PTPRD: variants seen among roughly 807,000 people sequenced by gnomAD.
PTPRD encodes receptor-type tyrosine-protein phosphatase delta.
PTPRD carries 34 observed loss-of-function variants against 214.5 expected under a neutral mutation model. That is an observed-to-expected ratio of 0.16 (90% confidence interval 0.12 to 0.21). The LOEUF is 0.21. Among genes scored for constraint, PTPRD ranks in the 10% least tolerant of loss-of-function variants. The probability of loss-of-function intolerance (pLI) is 1.00; values close to 1 mark genes in which losing one functional copy is unlikely to be tolerated. For synonymous variants in PTPRD, 1,128 were observed against 845.7 expected (o/e 1.33, Z -5.79); for missense variants, 2,545 against 2,398.7 (o/e 1.06, Z -1.27).
intron 11 of PTPRD, among the ~76,000 whole-genome samples, chr9:8,891,247 C>T (rs1298941811): frequency 2.0e-5 from 3 of 150,482 alleles, no homozygotes; most frequent in Non-Finnish European, 2.9e-5. Context: ...CATCCTCCTG[C>T]CTCAGCCTCC....
At chr9:9,291,702 T>G (rs1951195436) in intron 9 of PTPRD, among the ~76,000 whole-genome samples, 1 of 151,326 alleles carries the variant, frequency 6.6e-6, no homozygotes, top group East Asian at 2.0e-4. Flanking sequence ...GAATAAAAAT[T>G]TATTTACTAT....
chr9:9,833,213 A>G lies in PTPRD; in HGVS notation c.-367-66362T>C, dbSNP rs1302551663. 3.3e-5 allele frequency among the ~76,000 whole-genome samples: 5 copies of G among 152,152 alleles called. No homozygotes were observed. The East Asian group carries it at 7.7e-4, about 24-fold the overall frequency. Reference sequence around the variant, plus strand: ...TAATCACATAGGTTTTCTATTTTCCAAAGCGTCGACTGGCTTGAGAAATAA... The same window carrying G: ...TAATCACATAGGTTTTCTATTTTCCGAAGCGTCGACTGGCTTGAGAAATAA... On this transcript the variant is annotated intron_variant, in intron 5 of 45. Coordinates refer to ENST00000381196, the MANE Select transcript of PTPRD (RefSeq NM_002839.4).
Position 8,665,679 on chromosome 9 carries a change from T to C in PTPRD, c.65-28835A>G, listed in dbSNP as rs563472435. Among the ~76,000 whole-genome samples, 44 of 152,354 alleles carry C rather than the reference T, an allele frequency of 2.9e-4. 1 individual carries two copies. Among genetic ancestry groups the C allele is most frequent in the South Asian group, 1.5e-3 (7 of 4,824 alleles). ...GCTTTTCCTATTGTCTTTTTCTCTA[T>C]TATTTCCCTTCACCCCACTTTTATT... On this transcript the variant is annotated intron_variant, in intron 12 of 45. Transcript: ENST00000381196.
chr9:8,798,561 G>A (rs993065676), intron 11 of PTPRD, among the ~76,000 whole-genome samples: 1 of 152,174 alleles, frequency 6.6e-6, no homozygotes, highest in African/African-American at 2.4e-5. Context: ...ATAGCTTCCT[G>A]TTGCATTCAA....
intron 35 of PTPRD, among the ~76,000 whole-genome samples, chr9:8,417,556 A>G (rs1439855246): frequency 6.6e-6 from 1 of 152,196 alleles, no homozygotes; most frequent in Non-Finnish European, 1.5e-5. Context: ...AAAGCTTCTG[A>G]AAGCTTGTCT....
At chr9:9,885,483 G>A (rs1228584359) in intron 5 of PTPRD, among the ~76,000 whole-genome samples, 2 of 152,030 alleles carry the variant, frequency 1.3e-5, no homozygotes, top group Non-Finnish European at 2.9e-5. Flanking sequence ...CAGCTTCACA[G>A]GGGTCCTACA....
At chr9:9,239,128 G>A (rs1187020066) in intron 9 of PTPRD, among the ~76,000 whole-genome samples, 1 of 151,274 alleles carries the variant, frequency 6.6e-6, no homozygotes. Context: ...CTAGAACTAT[G>A]CTTATCTTTT....
chr9:9,930,139 C>T (rs1241440303), intron 5 of PTPRD, among the ~76,000 whole-genome samples: 8 of 152,144 alleles, frequency 5.3e-5, no homozygotes, highest in South Asian at 2.1e-4. Context: ...AGAAGTTACA[C>T]AAATGAGCGC....
intron 11 of PTPRD, among the ~76,000 whole-genome samples, chr9:8,754,668 T>C (rs2093826180): frequency 6.6e-6 from 1 of 152,242 alleles, no homozygotes; most frequent in African/African-American, 2.4e-5. Context: ...AGAATATCTT[T>C]GTAGCCTTTC....
chr9:9,580,250 G>T, intron 7 of PTPRD, among the ~76,000 whole-genome samples: 1 of 151,920 alleles, frequency 6.6e-6, no homozygotes. Flanking sequence ...TGGATCAAAG[G>T]GTGGTTCTAT....
chr9:10,077,658 T>C (rs2098155620), intron 3 of PTPRD, among the ~76,000 whole-genome samples: 1 of 152,102 alleles, frequency 6.6e-6, no homozygotes, highest in Non-Finnish European at 1.5e-5. Flanking sequence ...TCCTCCTCTC[T>C]CAAGTAGGCA....
chr9:10,094,046 T>A (rs537581115), intron 3 of PTPRD, among the ~76,000 whole-genome samples: 2 of 151,448 alleles, frequency 1.3e-5, no homozygotes, highest in East Asian at 3.9e-4. Context: ...TCATGCAATA[T>A]ATCCACATAA....
In PTPRD at chr9:8,474,559, C is replaced by A. The variant is rs536875855; in HGVS notation, c.3414-3474G>T. ...AATAATGCCATAAATTCATAATCAG[C>A]AACCCCAGTTAGGCCTTCAACACGG... On this transcript the variant is annotated intron_variant, in intron 30 of 45. Coordinates refer to ENST00000381196, the MANE Select transcript of PTPRD (RefSeq NM_002839.4). Among the ~76,000 whole-genome samples the A allele has an allele frequency of 8.5e-5, 13 of 152,294 alleles. No homozygotes were observed. The South Asian group carries it at 2.7e-3, about 32-fold the overall frequency.
At chr9:8,815,677 T>C (rs2096905833) in intron 11 of PTPRD, among the ~76,000 whole-genome samples, 1 of 152,166 alleles carries the variant, frequency 6.6e-6, no homozygotes, top group South Asian at 2.1e-4. Context: ...CCTCATCTCC[T>C]GCATAAAATT....
intron 6 of PTPRD, among the ~76,000 whole-genome samples, chr9:9,755,204 G>A (rs571862858): frequency 3.9e-5 from 6 of 152,108 alleles, no homozygotes; most frequent in African/African-American, 1.4e-4. Flanking sequence ...AGTACAGACT[G>A]CAGAAGATCA....
At position 8,339,054 on chromosome 9, in the gene PTPRD, GGA is replaced by G. The variant is rs1849725048; in HGVS notation, c.5254-9_5254-8del. The G allele has an allele frequency of 1.2e-6, 2 of 1,609,238 alleles. No individual in the cohort carries two copies. Among genetic ancestry groups the G allele is most frequent in the Non-Finnish European group, 1.7e-6 (2 of 1,176,930 alleles). On this transcript the variant is annotated splice_polypyrimidine_tract_variant and splice_region_variant and intron_variant, in intron 42 of 45. Coordinates refer to ENST00000381196, the MANE Select transcript of PTPRD (RefSeq NM_002839.4). The stretch of plus-strand genomic sequence containing the variant: ...AGTATTGGTGACATTTCTCCTAAAA[GGA>G]GAGAAGATTAATGTTAAACTATGCA...
intron 33 of PTPRD, among the ~76,000 whole-genome samples, chr9:8,456,838 C>T (rs911060182): frequency 1.3e-5 from 2 of 151,864 alleles, no homozygotes; most frequent in Non-Finnish European, 2.9e-5. Flanking sequence ...ACTTCTAGGA[C>T]CACCTGATCT....
At chr9:10,056,249 A>T (rs1477240417) in intron 3 of PTPRD, among the ~76,000 whole-genome samples, 2 of 151,576 alleles carry the variant, frequency 1.3e-5, no homozygotes, top group Non-Finnish European at 1.5e-5. Context: ...TAAACCTGGG[A>T]GGCGGAGATT....
rs577641439 is a variant in PTPRD at position 8,356,790 on chromosome 9, A to C, written c.4662-14812T>G. Among the ~76,000 whole-genome samples, 4 of 152,294 alleles carry C rather than the reference A, an allele frequency of 2.6e-5. No individual in the cohort carries two copies. In the East Asian group the frequency reaches 7.7e-4, roughly 29 times the overall value. ...TACATATAAACACAGGCAGGAAAAA[A>C]ATAACCAATTAACTAAATACGTGTG... is the stretch of plus-strand genomic sequence containing the variant. On this transcript the variant is annotated intron_variant, in intron 39 of 45. Coordinates refer to ENST00000381196, the MANE Select transcript of PTPRD (RefSeq NM_002839.4).
Sources: gnomAD v4.1 joint callset for allele counts (sites outside exome capture counted in the v4.1 genomes callset) on GRCh38, gnomAD v4.1.1 for gene constraint, MANE v1.5 for transcripts, NCBI Gene and HGNC (gene_info 2026-07-23, HGNC 2026-07-21) for gene names.